The following PLCL1 variants were observed in gnomAD, a reference collection of about 807,000 sequenced individuals.
PLCL1 encodes the protein phospholipase C like 1 (inactive).
PLCL1 carries 41 observed loss-of-function variants against 84.4 expected under a neutral mutation model. The ratio of observed to expected loss-of-function variants is 0.49; its 90% confidence interval spans 0.38 to 0.63. The LOEUF (loss-of-function observed/expected upper bound fraction) is 0.63, where lower values mean the gene tolerates loss of function less well. Ranked by LOEUF, PLCL1 falls within the 30% of genes least tolerant of loss-of-function variation. The probability of loss-of-function intolerance (pLI) is 0.00; values close to 1 mark genes in which losing one functional copy is unlikely to be tolerated. For missense variants in PLCL1, 1,206 were observed against 1,367.8 expected (o/e 0.88, Z 1.87); for synonymous variants, 490 against 488.3 (o/e 1.00, Z -0.05).
chr2:198,000,024 G>A (rs892054057), intron 1 of PLCL1, among the ~76,000 whole-genome samples: 1 of 152,106 alleles, frequency 6.6e-6, no homozygotes, highest in African/African-American at 2.4e-5. Context: ...CACTTTCATT[G>A]TTAAATTACC....
intron 1 of PLCL1, among the ~76,000 whole-genome samples, chr2:198,026,577 A>G (rs1302564959): frequency 1.3e-5 from 2 of 152,234 alleles, no homozygotes; most frequent in East Asian, 3.8e-4. Context: ...AAAGACTTAA[A>G]GGAAGAAAAA....
At chr2:198,046,798 C>A (rs1275007744) in intron 1 of PLCL1, among the ~76,000 whole-genome samples, 1 of 151,938 alleles carries the variant, frequency 6.6e-6, no homozygotes, top group African/African-American at 2.4e-5. Context: ...GTGATTGAGC[C>A]CCTGCACTCC....
At chr2:198,041,278 A>G (rs1401584645) in intron 1 of PLCL1, among the ~76,000 whole-genome samples, 1 of 152,204 alleles carries the variant, frequency 6.6e-6, no homozygotes, top group East Asian at 1.9e-4. Flanking sequence ...GAAGTGGATT[A>G]TATTTTGCTA....
rs377031863 is a variant in PLCL1, at chr2:198,023,945, C to T, written c.241-59813C>T. On this transcript the variant is annotated intron_variant, in intron 1 of 5. Coordinates refer to ENST00000428675, the MANE Select transcript of PLCL1 (RefSeq NM_006226.4). ...TCATTCTACTATAAAGACACATGCA[C>T]ACATATGTTTATGGCAGTACTGCTC... Among the ~76,000 whole-genome samples the T allele has an allele frequency of 1.4e-4, 22 of 152,196 alleles. No homozygotes were observed. In the East Asian group the frequency reaches 3.9e-3, roughly 27 times the overall value.
chr2:197,890,686 A>ATG (rs1687999971), intron 1 of PLCL1, among the ~76,000 whole-genome samples: 1 of 119,638 alleles, frequency 8.4e-6, no homozygotes, highest in African/African-American at 3.5e-5. Flanking sequence ...TTTTTGCTAT[A>ATG]TATATATATA....
intron 1 of PLCL1, among the ~76,000 whole-genome samples, chr2:197,839,159 A>G (rs1026752618): frequency 3.3e-5 from 5 of 152,198 alleles, no homozygotes; most frequent in Non-Finnish European, 7.3e-5. Flanking sequence ...AAAAAGAAAA[A>G]CATTTCACTA....
chr2:198,104,673 C>T (rs978968655), intron 5 of PLCL1, among the ~76,000 whole-genome samples: 3 of 152,046 alleles, frequency 2.0e-5, no homozygotes, highest in Admixed American at 6.6e-5. Context: ...TATAAACATT[C>T]GCTTTTCTCC....
chr2:198,108,101 C>T (rs1693532628), intron 5 of PLCL1, among the ~76,000 whole-genome samples: 1 of 151,882 alleles, frequency 6.6e-6, no homozygotes, highest in Non-Finnish European at 1.5e-5. Flanking sequence ...ATCTGAAACA[C>T]TTGATTCCCA....
In PLCL1 at chr2:198,149,777, T is replaced by C. The variant is rs1305117317; in HGVS notation, c.*2815T>C. On this transcript the variant is annotated 3_prime_UTR_variant, in exon 6 of 6. Coordinates refer to ENST00000428675, the MANE Select transcript of PLCL1 (RefSeq NM_006226.4). Reference sequence around the variant, plus strand: ...GTATTTTAACAAAATTGAGATATTATATAAACTGTTTGTAGCAGGGTGTTT... The same window carrying C: ...GTATTTTAACAAAATTGAGATATTACATAAACTGTTTGTAGCAGGGTGTTT... 1 of 152,186 alleles carries C rather than the reference T, an allele frequency of 6.6e-6. No individual in the cohort carries two copies. The highest frequency in any genetic ancestry group is 1.5e-5 in the Non-Finnish European group (1 of 68,016). The allele number at this position is 152,186 out of a possible 1,614,324, so 9.4% of individuals were successfully genotyped here.
At chr2:197,993,948 G>T (rs1268104256) in intron 1 of PLCL1, among the ~76,000 whole-genome samples, 1 of 152,150 alleles carries the variant, frequency 6.6e-6, no homozygotes, top group African/African-American at 2.4e-5. Flanking sequence ...CCCATTGTTG[G>T]GAGTGCAGTT....
chr2:197,908,021 G>A (rs1649363190), intron 1 of PLCL1, among the ~76,000 whole-genome samples: 1 of 152,160 alleles, frequency 6.6e-6, no homozygotes, highest in African/African-American at 2.4e-5. Flanking sequence ...TATTTGAGAG[G>A]GAGAATGGAT....
At chr2:197,835,926 G>A (rs1691178717) in intron 1 of PLCL1, among the ~76,000 whole-genome samples, 1 of 152,150 alleles carries the variant, frequency 6.6e-6, no homozygotes, top group Non-Finnish European at 1.5e-5. Context: ...GTATGTCATT[G>A]TGAATTCAAA....
rs757497191 is a variant in PLCL1, at chr2:198,088,936, T to A, written c.2794T>A (p.Ser932Thr). The stretch of plus-strand genomic sequence containing the variant: ...GAAGCAGTGCCTGTTAACTCTGTCA[T>A]CTCGGCTCATCACCAGTGACAATAC... ...SLKQCLLTLS[S>T]RLITSDNTPS... The change falls in exon 3 of 6, where the codon TCT (serine) becomes ACT (threonine). Residue 932 changes from serine (S) to threonine (T), a missense_variant. Ser to Thr is a moderately conservative substitution (Grantham distance 58, BLOSUM62 1). Coordinates refer to ENST00000428675, the MANE Select transcript of PLCL1 (RefSeq NM_006226.4). The A allele has an allele frequency of 1.9e-6, 3 of 1,612,564 alleles. No homozygotes were observed. Among genetic ancestry groups the A allele is most frequent in the South Asian group, 1.1e-5 (1 of 91,062 alleles).
rs190913716 is a variant in PLCL1 at position 198,022,633 on chromosome 2, A to G, written c.241-61125A>G. Among the ~76,000 whole-genome samples the G allele has an allele frequency of 2.7e-3, 413 of 152,206 alleles. 2 individuals carry two copies. The highest frequency in any genetic ancestry group is 4.5e-3 in the Non-Finnish European group (308 of 67,980). ...ACAAACAGAGGGACAAATCATGAGC[A>G]AACTCCCATTCACAATTGCTACAAA... On this transcript the variant is annotated intron_variant, in intron 1 of 5. Transcript: ENST00000428675.
At chr2:198,073,847 T>C (rs561858382) in intron 1 of PLCL1, among the ~76,000 whole-genome samples, 1 of 152,208 alleles carries the variant, frequency 6.6e-6, no homozygotes, top group African/African-American at 2.4e-5. Context: ...CTTCTCCAAA[T>C]CTAGAGAAAG....
chr2:197,995,533 A>G (rs1358843445), intron 1 of PLCL1, among the ~76,000 whole-genome samples: 1 of 152,144 alleles, frequency 6.6e-6, no homozygotes, highest in Non-Finnish European at 1.5e-5. Context: ...GGGTGACCCA[A>G]GGTGGGTCCT....
intron 1 of PLCL1, among the ~76,000 whole-genome samples, chr2:197,959,384 C>T (rs1381535949): frequency 1.3e-5 from 2 of 151,996 alleles, no homozygotes; most frequent in Non-Finnish European, 2.9e-5. Flanking sequence ...ATAAGACCTA[C>T]CCACATTGTG....
At chr2:197,950,301 T>C (rs1330686272) in intron 1 of PLCL1, among the ~76,000 whole-genome samples, 1 of 152,128 alleles carries the variant, frequency 6.6e-6, no homozygotes, top group African/African-American at 2.4e-5. Context: ...CTCAGCTTTG[T>C]GGGAGACCAG....
chr2:197,872,617 G>T (rs575746241), intron 1 of PLCL1, among the ~76,000 whole-genome samples: 2 of 151,994 alleles, frequency 1.3e-5, no homozygotes, highest in Non-Finnish European at 2.9e-5. Context: ...TGATGAATGG[G>T]GGCAATGATG....
Sources: gnomAD v4.1 joint callset for allele counts (sites outside exome capture counted in the v4.1 genomes callset) on GRCh38, gnomAD v4.1.1 for gene constraint, MANE v1.5 for transcripts, NCBI Gene and HGNC (gene_info 2026-07-23, HGNC 2026-07-21) for gene names.